The following CSMD1 variants were observed in gnomAD, a reference collection of about 807,000 sequenced individuals.
CSMD1 encodes CUB and Sushi multiple domains 1.
Under a neutral mutation model 417.5 loss-of-function variants are expected in CSMD1, and 213 were observed. The ratio of observed to expected loss-of-function variants is 0.51; its 90% CI spans 0.46 to 0.57. CSMD1 has a LOEUF of 0.57. Ranked by LOEUF, CSMD1 falls within the 20% of genes least tolerant of loss-of-function variation. CSMD1 has a pLI of 0.00. For missense variants in CSMD1, 6,923 were observed against 4,529.7 expected (o/e 1.53, Z -15.17); for synonymous variants, 2,862 against 1,736.8 (o/e 1.65, Z -16.11).
chr8:3,996,028 T>C lies in CSMD1; in HGVS notation c.818+1875A>G, dbSNP rs962222996. ...TACTCTCTATGACAAGGATGATCAA[T>C]TGTTGCCATAAAGTGCTACAATGGT... On this transcript the variant is annotated intron_variant, in intron 5 of 69. Transcript: ENST00000635120. 7.9e-5 allele frequency among the ~76,000 whole-genome samples: 12 copies of C among 152,330 alleles called. No individual in the cohort carries two copies. The South Asian group carries it at 8.3e-4, about 11-fold the overall frequency.
intron 4 of CSMD1, among the ~76,000 whole-genome samples, chr8:4,023,750 CTAATTTTTT>C (rs1796911208): frequency 8.2e-6 from 1 of 121,366 alleles, no homozygotes; most frequent in Admixed American, 9.7e-5. Context: ...CTACGCTCGG[CTAATTTTTT>C]TTTTTTTTTT....
At chr8:4,329,549 A>G (rs1017149190) in intron 3 of CSMD1, among the ~76,000 whole-genome samples, 6 of 152,100 alleles carry the variant, frequency 3.9e-5, no homozygotes, top group Non-Finnish European at 7.4e-5. Flanking sequence ...TGGCCTCCCA[A>G]ATTGCTTGGA....
At chr8:2,952,575 GAC>G (rs756141061) in intron 65 of CSMD1, among the ~76,000 whole-genome samples, 5 of 152,120 alleles carry the variant, frequency 3.3e-5, no homozygotes, top group Non-Finnish European at 7.4e-5. Context: ...ACTGATTTTA[GAC>G]ACATCTGCTT....
At chr8:3,839,649 A>G (rs1480741099) in intron 5 of CSMD1, among the ~76,000 whole-genome samples, 1 of 140,082 alleles carries the variant, frequency 7.1e-6, no homozygotes, top group African/African-American at 2.7e-5. Flanking sequence ...TGACACTTCA[A>G]CTCAGAAAAA....
rs1444902239 is a variant in CSMD1 at position 4,961,444 on chromosome 8, T to C, written c.85+32888A>G. 3.3e-5 allele frequency among the ~76,000 whole-genome samples: 5 copies of C among 152,292 alleles called. No homozygotes were observed. The East Asian group carries it at 9.7e-4, about 29-fold the overall frequency. On this transcript the variant is annotated intron_variant, in intron 1 of 69. Coordinates refer to ENST00000635120, the MANE Select transcript of CSMD1 (RefSeq NM_033225.6). The stretch of plus-strand genomic sequence containing the variant: ...CTTTACTCCTTGAAATGTCCTCTTC[T>C]AGTTGATTTCCTCAATACAGTGAAA...
chr8:3,103,784 C>T (rs137876695), intron 46 of CSMD1, among the ~76,000 whole-genome samples: 16,104 of 151,918 alleles, frequency 0.11, 1,128 homozygotes, highest in Admixed American at 0.23. Flanking sequence ...GCTCTTGTTG[C>T]CCAGGCTGGA....
chr8:4,389,302 A>T (rs184676935), intron 3 of CSMD1, among the ~76,000 whole-genome samples: 3 of 152,206 alleles, frequency 2.0e-5, no homozygotes, highest in Non-Finnish European at 2.9e-5. Context: ...ATGCGATCAT[A>T]TAACTATGTA....
At position 4,025,647 on chromosome 8, in the gene CSMD1, T is replaced by G. The variant is rs558202475; in HGVS notation, c.610+6258A>C. 7.9e-5 allele frequency among the ~76,000 whole-genome samples: 12 copies of G among 152,196 alleles called. No homozygotes were observed. In the South Asian group the frequency reaches 2.5e-3, roughly 32 times the overall value. ...AATAATATACAATGAATAAGGTGAA[T>G]TAAGAAAGACACAGATCTTAAGTTG... On this transcript the variant is annotated intron_variant, in intron 4 of 69. Coordinates refer to ENST00000635120, the MANE Select transcript of CSMD1 (RefSeq NM_033225.6).
intron 1 of CSMD1, among the ~76,000 whole-genome samples, chr8:4,644,609 G>A (rs992123373): frequency 1.3e-5 from 2 of 152,122 alleles, no homozygotes; most frequent in East Asian, 1.9e-4. Flanking sequence ...GTTGTTCACC[G>A]TGTTGCCCAG....
chr8:3,509,144 G>C (rs751869140), intron 10 of CSMD1, among the ~76,000 whole-genome samples: 6 of 152,182 alleles, frequency 3.9e-5, no homozygotes, highest in Non-Finnish European at 7.3e-5. Flanking sequence ...TAAGTATTCA[G>C]TAGATAAGGT....
intron 50 of CSMD1, among the ~76,000 whole-genome samples, chr8:3,048,409 A>G (rs1435955872): frequency 6.6e-6 from 1 of 152,220 alleles, no homozygotes; most frequent in East Asian, 1.9e-4. Flanking sequence ...GGAACAGAAT[A>G]CAGAGCCCAG....
At chr8:4,898,684 A>G (rs1585287151) in intron 1 of CSMD1, among the ~76,000 whole-genome samples, 1 of 152,210 alleles carries the variant, frequency 6.6e-6, no homozygotes, top group East Asian at 1.9e-4. Context: ...GGAAAGACTG[A>G]GAAAAACGAA....
At chr8:4,580,842 A>C (rs1298531070) in intron 2 of CSMD1, among the ~76,000 whole-genome samples, 1 of 152,238 alleles carries the variant, frequency 6.6e-6, no homozygotes, top group Non-Finnish European at 1.5e-5. Flanking sequence ...TGCCCGCTTC[A>C]TACTGGATTG....
At chr8:3,046,482 G>T (rs531228165) in intron 50 of CSMD1, among the ~76,000 whole-genome samples, 13 of 152,240 alleles carry the variant, frequency 8.5e-5, no homozygotes, top group Admixed American at 2.6e-4. Context: ...ACATTTCAGA[G>T]CTAACAGTGC....
intron 1 of CSMD1, among the ~76,000 whole-genome samples, chr8:4,989,214 G>A (rs1485388503): frequency 6.6e-6 from 1 of 152,130 alleles, no homozygotes; most frequent in Non-Finnish European, 1.5e-5. Flanking sequence ...TTTCAGTAGA[G>A]CCGAAACATC....
intron 5 of CSMD1, among the ~76,000 whole-genome samples, chr8:3,984,403 T>C (rs1022836889): frequency 6.6e-6 from 1 of 152,090 alleles, no homozygotes; most frequent in Admixed American, 6.5e-5. Context: ...TCTAAACTGG[T>C]GAGTACTTTT....
chr8:4,556,938 A>T (rs530886140), intron 2 of CSMD1, among the ~76,000 whole-genome samples: 1 of 152,350 alleles, frequency 6.6e-6, no homozygotes, highest in Non-Finnish European at 1.5e-5. Context: ...CAGATAAGTG[A>T]TATTCAACCT....
intron 2 of CSMD1, among the ~76,000 whole-genome samples, chr8:4,463,914 T>C (rs1467966917): frequency 6.6e-6 from 1 of 152,150 alleles, no homozygotes; most frequent in African/African-American, 2.4e-5. Context: ...AATATAGCTC[T>C]GATTAAAAGA....
intron 3 of CSMD1, among the ~76,000 whole-genome samples, chr8:4,316,878 C>A (rs1328942657): frequency 6.6e-6 from 1 of 151,816 alleles, no homozygotes; most frequent in Non-Finnish European, 1.5e-5. Context: ...GGTTATACTC[C>A]AAATCTTGGG....
Sources: allele counts gnomAD v4.1 joint callset (sites outside exome capture counted in the v4.1 genomes callset), GRCh38; gene constraint gnomAD v4.1.1; transcripts MANE v1.5; gene names NCBI Gene and HGNC (gene_info 2026-07-23, HGNC 2026-07-21).